BRD9: variants seen among roughly 807,000 people sequenced by gnomAD.
BRD9 encodes the protein bromodomain containing 9, also known as bromodomain-containing protein 9.
Under a neutral mutation model 68.7 loss-of-function variants are expected in BRD9, and 47 were observed. The observed-to-expected ratio is 0.68, with a 90% CI of 0.54 to 0.87. The LOEUF (loss-of-function observed/expected upper bound fraction) is 0.87. Ranked by LOEUF, BRD9 falls within the 40% of genes least tolerant of loss-of-function variation. The pLI is 0.00. For synonymous variants in BRD9, 313 were observed against 293.9 expected, an observed-to-expected ratio of 1.06 and a Z score of -0.67; for missense variants, 670 against 748.4, an observed-to-expected ratio of 0.90 and a Z score of 1.22.
At chr5:868,364 C>A (rs1749658940) in intron 14 of BRD9, among the ~76,000 whole-genome samples, 1 of 152,230 alleles carries the variant, frequency 6.6e-6, no homozygotes, top group Non-Finnish European at 1.5e-5. Flanking sequence ...AGCCCATCAG[C>A]ACCAAGCTGC....
Position 887,341 on chromosome 5 carries a change from G to A in BRD9, c.717+20C>T, listed in dbSNP as rs774395538. On this transcript the variant is annotated intron_variant, in intron 6 of 15. Coordinates refer to ENST00000467963, the MANE Select transcript of BRD9 (RefSeq NM_023924.5). ...GAGCCCCTGCTTTCCGTAGCTCGCT[G>A]CTGCCAGTGAGTTTCTTACTTTGCT... 4 of 1,586,768 alleles carry A rather than the reference G, an allele frequency of 2.5e-6. No individual in the cohort carries two copies. The highest frequency in any genetic ancestry group is 3.3e-5 in the Admixed American group (2 of 59,774).
chr5:869,531 C>CA (rs1749835598), intron 14 of BRD9: 1 of 345,784 alleles, frequency 2.9e-6, no homozygotes, highest in South Asian at 2.2e-5. Context: ...CTTCCTGACC[C>CA]AACAGAGATT....
At chr5:883,108 C>T (rs568215248) in intron 8 of BRD9, 61 of 360,100 alleles carry the variant, frequency 1.7e-4, no homozygotes, top group Middle Eastern at 1.9e-3. Flanking sequence ...CCACGCAGAC[C>T]GCAACCTCGC....
chr5:869,935 G>A lies in BRD9; in HGVS notation c.1525+538C>T, dbSNP rs79632566. Among the ~76,000 whole-genome samples the A allele has an allele frequency of 3.6e-3, 543 of 152,298 alleles. 4 individuals are homozygous for A. The highest frequency in any genetic ancestry group is 0.012 in the African/African-American group (498 of 41,554). ...CCTCCTGGGACTGTGTCACAGCCAC[G>A]GTCTTCGTATTTCACTCAGAAGAAA... On this transcript the variant is annotated intron_variant, in intron 14 of 15. Coordinates refer to ENST00000467963, the MANE Select transcript of BRD9 (RefSeq NM_023924.5).
chr5:868,827 G>T (rs1236943924), intron 14 of BRD9: 6 of 154,142 alleles, frequency 3.9e-5, no homozygotes, highest in Admixed American at 3.9e-4. Context: ...ACGGCCATAA[G>T]TGCCTGAACA....
chr5:870,335 CA>C, intron 14 of BRD9, 137 bp downstream of exon 14: 1 of 667,414 alleles, frequency 1.5e-6, no homozygotes, highest in South Asian at 1.9e-5. Context: ...AAACCTGGGA[CA>C]AAGACCAAAT....
At chr5:867,523 G>A (rs1164701798) in intron 14 of BRD9, among the ~76,000 whole-genome samples, 1 of 152,242 alleles carries the variant, frequency 6.6e-6, no homozygotes, top group African/African-American at 2.4e-5. Flanking sequence ...AGCCACAGAG[G>A]CTGTACCCTG....
chr5:869,487 ATTC>A, intron 14 of BRD9: 1 of 396,754 alleles, frequency 2.5e-6, no homozygotes, highest in Non-Finnish European at 5.0e-6. Context: ...AAAAATCTAC[ATTC>A]TGTAGAGAAT....
intron 9 of BRD9, among the ~76,000 whole-genome samples, chr5:880,646 G>A (rs1751599848): frequency 6.6e-6 from 1 of 152,174 alleles, no homozygotes; most frequent in Non-Finnish European, 1.5e-5. Flanking sequence ...GGCCAACAAA[G>A]TGCCCCTGAC....
chr5:891,255 G>C lies in BRD9; in HGVS notation c.300C>G (p.His100Gln), dbSNP rs1047035749. ...CGTCAGCCTCTCCCTCCGTGTCACA[G>C]TGCTCCCTCTCTCGCTTCCGCTTCT... ...EEKKRKRERE[H>Q]CDTEGEADDF... Residue 100 changes from histidine to glutamine, a missense_variant, in exon 3 of 16, where the codon CAC becomes CAG. By Grantham distance (24) the His-to-Gln change is conservative. This residue lies in a region of BRD9 where 161 missense variants were observed against 148.1 expected (regional missense o/e 1.09). Coordinates refer to ENST00000467963, the MANE Select transcript of BRD9 (RefSeq NM_023924.5). 1.6e-5 allele frequency: 25 copies of C among 1,551,710 alleles called. No homozygotes were observed. The highest frequency in any genetic ancestry group is 2.0e-5 in the Non-Finnish European group (23 of 1,147,024).
intron 14 of BRD9, among the ~76,000 whole-genome samples, chr5:868,366 C>A (rs188478410): frequency 3.9e-5 from 6 of 152,336 alleles, no homozygotes; most frequent in African/African-American, 1.4e-4. Flanking sequence ...CCCATCAGCA[C>A]CAAGCTGCTG....
intron 5 of BRD9, among the ~76,000 whole-genome samples, chr5:887,834 C>T (rs1752788646): frequency 6.6e-6 from 1 of 152,230 alleles, no homozygotes; most frequent in South Asian, 2.1e-4. Flanking sequence ...GGGATGAAGG[C>T]AGGCGTGCGG....
intron 3 of BRD9, chr5:889,913 A>T: frequency 2.0e-6 from 1 of 507,808 alleles, no homozygotes; most frequent in South Asian, 1.7e-5. Context: ...TCACTTAGCA[A>T]TGTTTTCAGC....
At chr5:878,763 G>A (rs1751385678) in intron 10 of BRD9, 1 of 475,404 alleles carries the variant, frequency 2.1e-6, no homozygotes, top group South Asian at 2.1e-5. Flanking sequence ...AGAGCTGTGT[G>A]GAAACGTGGG....
chr5:892,560 G>A (rs1032825779), intron 1 of BRD9, 46 bp downstream of exon 1: 2 of 1,529,502 alleles, frequency 1.3e-6, no homozygotes, highest in Non-Finnish European at 1.8e-6. Flanking sequence ...CCTCCCCCGT[G>A]CCCGGGACCC....
At chr5:891,920 C>T (rs565902598) in intron 1 of BRD9, 66 bp from the exon 2 acceptor site, 3 of 1,538,058 alleles carry the variant, frequency 2.0e-6, no homozygotes, top group Non-Finnish European at 1.7e-6. Flanking sequence ...CCAGGTGAGA[C>T]GTGAAGGTGC....
intron 11 of BRD9, 115 bp from the exon 12 acceptor site, chr5:876,327 C>G: frequency 1.4e-6 from 1 of 693,840 alleles, no homozygotes; most frequent in South Asian, 1.9e-5. Context: ...CCCCGTGACC[C>G]TCCCAGAGCG....
At chr5:892,199 C>T (rs1292170390) in intron 1 of BRD9, 2 of 432,690 alleles carry the variant, frequency 4.6e-6, no homozygotes, top group Non-Finnish European at 8.2e-6. Context: ...CTTCGGTTCA[C>T]CCTCGCCTGA....
chr5:881,389 C>A, intron 8 of BRD9: 1 of 599,708 alleles, frequency 1.7e-6, no homozygotes, highest in Non-Finnish European at 3.0e-6. Context: ...ACCTCTTAGG[C>A]TCCCCATGGC....
Sources: gnomAD v4.1 joint callset for allele counts (sites outside exome capture counted in the v4.1 genomes callset) on GRCh38, gnomAD v4.1.1 for gene constraint, gnomAD v4.1.1 regional missense constraint, MANE v1.5 for transcripts, NCBI Gene and HGNC (gene_info 2026-07-23, HGNC 2026-07-21) for gene names.